The following GPHN variants were observed in gnomAD, a reference collection of about 807,000 sequenced individuals.
The protein encoded by GPHN is gephyrin.
A neutral mutation model predicts 95.5 loss-of-function variants in GPHN; 17 were observed. That is an observed-to-expected ratio of 0.18 (90% CI 0.12 to 0.27). The LOEUF is 0.27. GPHN is among the 10% of genes least tolerant of loss of function. The probability of loss-of-function intolerance (pLI) is 1.00; values close to 1 mark genes in which losing one functional copy is unlikely to be tolerated. For missense variants in GPHN, 660 were observed against 978.1 expected, an observed-to-expected ratio of 0.67 and a Z score of 4.34; for synonymous variants, 320 against 322.5, an observed-to-expected ratio of 0.99 and a Z score of 0.08.
At chr14:67,160,692 CAATG>C (rs1432798378) in intron 19 of GPHN, among the ~76,000 whole-genome samples, 12 of 152,102 alleles carry the variant, frequency 7.9e-5, no homozygotes, top group Admixed American at 7.9e-4. Flanking sequence ...GCTTTACTGT[CAATG>C]AACCCTAGGA....
intron 3 of GPHN, among the ~76,000 whole-genome samples, chr14:66,780,053 T>C (rs1424478674): frequency 6.6e-6 from 1 of 152,094 alleles, no homozygotes; most frequent in Non-Finnish European, 1.5e-5. Context: ...AAATCAGCAA[T>C]ACTTGATAAC....
chr14:67,301,503 C>A, the GPHN span: 1 of 1,446,968 alleles, frequency 6.9e-7, no homozygotes, highest in Non-Finnish European at 9.5e-7. Flanking sequence ...TGTGGTTTTT[C>A]CAGCATTCTT....
chr14:67,353,091 CA>C, the GPHN span: 92 of 1,371,088 alleles, frequency 6.7e-5, no homozygotes, highest in South Asian at 1.4e-4. Context: ...GTTTAAAAGA[CA>C]AAAAAAACCC....
intron 10 of GPHN, among the ~76,000 whole-genome samples, chr14:67,049,726 T>A (rs956898350): frequency 3.3e-5 from 5 of 152,178 alleles, no homozygotes; most frequent in Non-Finnish European, 7.3e-5. Context: ...TTGGCCAGGA[T>A]GGTCTTGATC....
intron 11 of GPHN, among the ~76,000 whole-genome samples, chr14:67,085,374 T>C (rs2076842904): frequency 6.6e-6 from 1 of 152,244 alleles, no homozygotes; most frequent in Admixed American, 6.5e-5. Flanking sequence ...TACTCCACTT[T>C]CTTCTACTTC....
chr14:67,211,671 G>A, the GPHN span, among the ~76,000 whole-genome samples: 3 of 152,114 alleles, frequency 2.0e-5, no homozygotes, highest in Non-Finnish European at 2.9e-5. Flanking sequence ...TCACACGCCT[G>A]TAATCCCATC....
chr14:67,155,312 T>C (rs553492407), intron 18 of GPHN, among the ~76,000 whole-genome samples: 1 of 152,328 alleles, frequency 6.6e-6, no homozygotes, highest in East Asian at 1.9e-4. Flanking sequence ...GACCTCAAAT[T>C]CTTTTTGGAG....
chr14:67,693,958 C>T, the GPHN span, among the ~76,000 whole-genome samples: 3 of 152,074 alleles, frequency 2.0e-5, no homozygotes, highest in Non-Finnish European at 4.4e-5. Flanking sequence ...GCCTAGAGTG[C>T]TTGTTTCTAA....
At chr14:67,535,412 G>C in the GPHN span, among the ~76,000 whole-genome samples, 1 of 112,706 alleles carries the variant, frequency 8.9e-6, no homozygotes, top group Admixed American at 1.4e-4. Flanking sequence ...CCAGAGTCTC[G>C]CTCTGTTGCC....
intron 5 of GPHN, among the ~76,000 whole-genome samples, chr14:66,906,147 A>G (rs2065371699): frequency 6.6e-6 from 1 of 152,128 alleles, no homozygotes; most frequent in Non-Finnish European, 1.5e-5. Context: ...AAGCTAAGCC[A>G]GTGTTTCGTG....
At chr14:67,642,091 G>A in the GPHN span, 4 of 1,176,832 alleles carry the variant, frequency 3.4e-6, no homozygotes, top group Non-Finnish European at 4.9e-6. Flanking sequence ...TGATTATGAT[G>A]TGTACTTTGT....
At chr14:67,387,899 T>A in the GPHN span, among the ~76,000 whole-genome samples, 3 of 152,232 alleles carry the variant, frequency 2.0e-5, no homozygotes, top group Non-Finnish European at 4.4e-5. Context: ...GTGAAATTAG[T>A]ATTATGATAC....
At chr14:67,479,812 G>A in the GPHN span, among the ~76,000 whole-genome samples, 1 of 152,194 alleles carries the variant, frequency 6.6e-6, no homozygotes, top group African/African-American at 2.4e-5. Flanking sequence ...CTAAGCAAAT[G>A]AACCCAAAGA....
intron 9 of GPHN, among the ~76,000 whole-genome samples, chr14:67,008,202 C>T (rs775994990): frequency 6.6e-5 from 10 of 152,112 alleles, no homozygotes; most frequent in South Asian, 2.1e-4. Context: ...TGCCTGTAAT[C>T]CCAGCACTTT....
At chr14:67,313,418 G>C in the GPHN span, among the ~76,000 whole-genome samples, 1 of 152,154 alleles carries the variant, frequency 6.6e-6, no homozygotes, top group Non-Finnish European at 1.5e-5. Context: ...ATGTGGTATA[G>C]CCTATTCCTC....
the GPHN span, chr14:67,279,285 T>C: frequency 6.2e-7 from 1 of 1,613,836 alleles, no homozygotes; most frequent in Non-Finnish European, 8.5e-7. Context: ...GGCTGTTGAC[T>C]GCCCTGGAGA....
chr14:66,549,637 G>A (rs1334939758), intron 1 of GPHN, among the ~76,000 whole-genome samples: 2 of 152,080 alleles, frequency 1.3e-5, no homozygotes, highest in African/African-American at 2.4e-5. Context: ...AGGTGGCTAC[G>A]AAACTACAGA....
chr14:67,014,528 A>G (rs1217716250), intron 9 of GPHN, among the ~76,000 whole-genome samples: 2 of 152,178 alleles, frequency 1.3e-5, no homozygotes, highest in African/African-American at 2.4e-5. Context: ...TGAAAATTCA[A>G]GTTGTGATTA....
chr14:67,473,134 C>A, the GPHN span: 2 of 451,874 alleles, frequency 4.4e-6, no homozygotes, highest in Non-Finnish European at 4.1e-6. The surrounding 1 kb of genome is among the most constrained non-coding windows in gnomAD (Gnocchi z 6.5). Flanking sequence ...ACTACATAGT[C>A]CATCGCTGCT....
Sources: allele counts gnomAD v4.1 joint callset (sites outside exome capture counted in the v4.1 genomes callset), GRCh38; gene constraint gnomAD v4.1.1; non-coding constraint Gnocchi (gnomAD v3.1); transcripts MANE v1.5; gene names NCBI Gene and HGNC (gene_info 2026-07-23, HGNC 2026-07-21).